Variants in HMGCLL1 observed in about 807,000 individuals in gnomAD.
HMGCLL1 encodes the protein 3-hydroxy-3-methylglutaryl-CoA lyase like 1.
A neutral mutation model predicts 39.1 loss-of-function variants in HMGCLL1; 36 were observed. That is an observed-to-expected ratio of 0.92 (90% CI 0.71 to 1.22). The LOEUF (loss-of-function observed/expected upper bound fraction) is 1.22, where lower values mean the gene tolerates loss of function less well. Ranked by LOEUF, HMGCLL1 falls within the 50% of genes most tolerant of loss-of-function variation. HMGCLL1 has a pLI of 0.00. For synonymous variants in HMGCLL1, 149 were observed against 144.0 expected (o/e 1.03, Z -0.25); for missense variants, 451 against 416.5 (o/e 1.08, Z -0.72).
intron 6 of HMGCLL1, among the ~76,000 whole-genome samples, chr6:55,497,213 A>G (rs1352832213): frequency 6.6e-6 from 1 of 152,156 alleles, no homozygotes; most frequent in Non-Finnish European, 1.5e-5. Flanking sequence ...TAATCATGTG[A>G]CACTGGGCAG....
the HMGCLL1 span, among the ~76,000 whole-genome samples, chr6:55,608,137 A>G: frequency 1.3e-5 from 2 of 152,150 alleles, no homozygotes; most frequent in Non-Finnish European, 2.9e-5. Flanking sequence ...CTTCTTATAT[A>G]GTTTATCCCA....
intron 5 of HMGCLL1, among the ~76,000 whole-genome samples, chr6:55,507,971 T>G (rs1767255938): frequency 6.6e-6 from 1 of 151,834 alleles, no homozygotes; most frequent in Non-Finnish European, 1.5e-5. Flanking sequence ...TTCTAGGGTT[T>G]CTGTCCAGTT....
intron 7 of HMGCLL1, among the ~76,000 whole-genome samples, chr6:55,448,742 A>G (rs1227408263): frequency 6.6e-6 from 1 of 152,170 alleles, no homozygotes; most frequent in Non-Finnish European, 1.5e-5. Context: ...TTGGCATAAA[A>G]TAATTAGACC....
chr6:55,570,226 T>C (rs753166392), intron 1 of HMGCLL1, among the ~76,000 whole-genome samples: 3 of 152,208 alleles, frequency 2.0e-5, no homozygotes, highest in Non-Finnish European at 2.9e-5. Context: ...ATTCAAGTCT[T>C]CTTTATTTTT....
At chr6:55,483,427 G>A (rs1208435257) in intron 7 of HMGCLL1, among the ~76,000 whole-genome samples, 1 of 151,992 alleles carries the variant, frequency 6.6e-6, no homozygotes, top group African/African-American at 2.4e-5. Flanking sequence ...CACCATGCCT[G>A]GCTAATTTTT....
intron 7 of HMGCLL1, among the ~76,000 whole-genome samples, chr6:55,464,109 T>C (rs1267818254): frequency 6.6e-6 from 1 of 152,178 alleles, no homozygotes; most frequent in Non-Finnish European, 1.5e-5. Context: ...TGAAGGACAA[T>C]AGCTGTGAAT....
intron 6 of HMGCLL1, among the ~76,000 whole-genome samples, chr6:55,496,877 T>A (rs1477714679): frequency 6.6e-6 from 1 of 152,106 alleles, no homozygotes. Context: ...TAGTTAAGTT[T>A]TGGGAGCAAA....
intron 3 of HMGCLL1, among the ~76,000 whole-genome samples, chr6:55,534,903 A>G (rs1214310385): frequency 6.6e-6 from 1 of 152,222 alleles, no homozygotes; most frequent in African/African-American, 2.4e-5. Context: ...AACACATAAA[A>G]TATTTCCCAC....
intron 1 of HMGCLL1, among the ~76,000 whole-genome samples, chr6:55,544,633 T>G (rs1360257809): frequency 3.9e-5 from 6 of 152,120 alleles, no homozygotes; most frequent in Admixed American, 3.9e-4. Context: ...CAAATTCAAG[T>G]CTGTGGAACA....
intron 7 of HMGCLL1, among the ~76,000 whole-genome samples, chr6:55,447,930 C>T (rs1763926227): frequency 1.3e-5 from 2 of 152,136 alleles, no homozygotes; most frequent in Non-Finnish European, 2.9e-5. Flanking sequence ...AAACACTTTA[C>T]ATGCATTGAT....
intron 1 of HMGCLL1, among the ~76,000 whole-genome samples, chr6:55,565,908 T>TTTAGA (rs1771188130): frequency 1.3e-5 from 2 of 149,978 alleles, no homozygotes; most frequent in African/African-American, 5.1e-5. Flanking sequence ...AGTTCTAAAT[T>TTTAGA]ACTCTCAGCT....
chr6:55,526,646 A>G (rs1233041957), intron 3 of HMGCLL1, among the ~76,000 whole-genome samples: 1 of 151,890 alleles, frequency 6.6e-6, no homozygotes, highest in Admixed American at 6.6e-5. Flanking sequence ...CTACTATTTT[A>G]TTGTTAATAA....
intron 6 of HMGCLL1, among the ~76,000 whole-genome samples, chr6:55,498,463 G>A (rs1445314742): frequency 1.3e-5 from 2 of 152,010 alleles, no homozygotes; most frequent in Non-Finnish European, 2.9e-5. Flanking sequence ...AACAGCTTTA[G>A]CTAAACTGAA....
intron 1 of HMGCLL1, among the ~76,000 whole-genome samples, chr6:55,546,586 A>C (rs1769991130): frequency 6.6e-6 from 1 of 152,094 alleles, no homozygotes; most frequent in Non-Finnish European, 1.5e-5. Flanking sequence ...ACTAGCTTAC[A>C]TTTTAGTGCT....
At chr6:55,610,000 A>T in the HMGCLL1 span, among the ~76,000 whole-genome samples, 84 of 152,330 alleles carry the variant, frequency 5.5e-4, 1 homozygote, top group African/African-American at 1.9e-3. Flanking sequence ...TCAACCAAAA[A>T]AAGTCTTCAC....
Position 55,441,837 on chromosome 6 carries a change from C to T in HMGCLL1, c.796-2278G>A, listed in dbSNP as rs188960098. On this transcript the variant is annotated intron_variant, in intron 7 of 8. Coordinates refer to ENST00000274901, the MANE Select transcript of HMGCLL1 (RefSeq NM_001042406.2). Reference sequence around the variant, plus strand: ...TCCTGAGTAGCTGGGATTATAGGTGCGCACAATCACACCTGGCTAATTTTT... The same window carrying T: ...TCCTGAGTAGCTGGGATTATAGGTGTGCACAATCACACCTGGCTAATTTTT... Among the ~76,000 whole-genome samples, 25 of 151,988 alleles carry T rather than the reference C, an allele frequency of 1.6e-4. No individual in the cohort carries two copies. The East Asian group carries it at 3.7e-3, about 22-fold the overall frequency.
the HMGCLL1 span, among the ~76,000 whole-genome samples, chr6:55,594,448 T>C: frequency 6.6e-6 from 1 of 152,164 alleles, no homozygotes; most frequent in Non-Finnish European, 1.5e-5. Context: ...TAAGTCAACC[T>C]TCACATTGTA....
intron 1 of HMGCLL1, among the ~76,000 whole-genome samples, chr6:55,550,400 T>A (rs1446430040): frequency 2.0e-5 from 3 of 151,916 alleles, no homozygotes; most frequent in Admixed American, 2.0e-4. Context: ...GGAAAGGCCA[T>A]ATCAGCTCCT....
chr6:55,615,271 G>A, the HMGCLL1 span, among the ~76,000 whole-genome samples: 1 of 151,820 alleles, frequency 6.6e-6, no homozygotes, highest in Admixed American at 6.6e-5. Context: ...AAAAATCATA[G>A]GAAAAAAAAG....
Sources: gnomAD v4.1 joint callset for allele counts (sites outside exome capture counted in the v4.1 genomes callset) on GRCh38, gnomAD v4.1.1 for gene constraint, MANE v1.5 for transcripts, NCBI Gene and HGNC (gene_info 2026-07-23, HGNC 2026-07-21) for gene names.